PLEKHA7: variants seen among roughly 807,000 people sequenced by gnomAD.
The protein encoded by PLEKHA7 is pleckstrin homology domain-containing family A member 7.
In PLEKHA7, 104 loss-of-function variants were observed where a neutral mutation model predicts 170.0. The observed-to-expected ratio is 0.61, with a 90% CI of 0.52 to 0.72. The LOEUF (loss-of-function observed/expected upper bound fraction) is 0.72. Ranked by LOEUF, PLEKHA7 falls within the 30% of genes least tolerant of loss-of-function variation. The probability of loss-of-function intolerance (pLI) is 0.00; values close to 1 mark genes in which losing one functional copy is unlikely to be tolerated. For missense variants in PLEKHA7, 1,615 were observed against 1,671.7 expected (o/e 0.97, Z 0.59); for synonymous variants, 648 against 660.8 (o/e 0.98, Z 0.30).
chr11:16,954,093 C>T (rs1256250404), intron 3 of PLEKHA7, among the ~76,000 whole-genome samples: 2 of 152,118 alleles, frequency 1.3e-5, no homozygotes, highest in Non-Finnish European at 2.9e-5. Context: ...GAGGACACTC[C>T]ACAAGGCAAG....
chr11:17,013,688 G>A (rs1270214482), intron 3 of PLEKHA7, among the ~76,000 whole-genome samples: 1 of 152,236 alleles, frequency 6.6e-6, no homozygotes, highest in South Asian at 2.1e-4. Flanking sequence ...CCCTAGAGGG[G>A]AGGCGTGCCC....
At chr11:16,984,977 A>G (rs1431502905) in intron 3 of PLEKHA7, among the ~76,000 whole-genome samples, 2 of 152,240 alleles carry the variant, frequency 1.3e-5, no homozygotes, top group African/African-American at 4.8e-5. Context: ...TTGAGGCCTG[A>G]CAGCCCCCTT....
At position 16,801,003 on chromosome 11, in the gene PLEKHA7, C is replaced by T. The variant is rs1564926475; in HGVS notation, c.2380G>A (p.Glu794Lys). 1 of 1,614,134 alleles carries T rather than the reference C, an allele frequency of 6.2e-7. No individual in the cohort carries two copies. The highest frequency in any genetic ancestry group is 8.5e-7 in the Non-Finnish European group (1 of 1,180,054). Reference sequence around the variant, plus strand: ...AAAAAAAAGGCTCTTCTGTGTTGCTCCTGCAGGGTCTGCTTCAGCTGTTCC... The same window carrying T: ...AAAAAAAAGGCTCTTCTGTGTTGCTTCTGCAGGGTCTGCTTCAGCTGTTCC... ...DVEQLKQTLQ[E>K]QHRRAFFFQE... The change falls in exon 17 of 27, where the codon GAG becomes AAG. Residue 794 changes from glutamate (E) to lysine (K), a missense_variant. Coordinates refer to ENST00000531066, the MANE Select transcript of PLEKHA7 (RefSeq NM_001329630.2).
chr11:16,883,615 G>A (rs1484688352), intron 3 of PLEKHA7, among the ~76,000 whole-genome samples: 3 of 152,092 alleles, frequency 2.0e-5, no homozygotes, highest in African/African-American at 7.2e-5. Flanking sequence ...GGCTCCTTCT[G>A]TCCTTTTCCC....
chr11:16,923,001 A>T (rs1442534621), intron 3 of PLEKHA7, among the ~76,000 whole-genome samples: 1 of 152,136 alleles, frequency 6.6e-6, no homozygotes, highest in Admixed American at 6.6e-5. Flanking sequence ...CTGACCTCAC[A>T]ATCCATAGTG....
intron 10 of PLEKHA7, among the ~76,000 whole-genome samples, chr11:16,823,542 A>G (rs1352445081): frequency 6.6e-6 from 1 of 152,120 alleles, no homozygotes. Context: ...TAGCCTCCTG[A>G]TCATCTCTAC....
chr11:16,796,444 A>G (rs538413916), intron 17 of PLEKHA7, among the ~76,000 whole-genome samples: 70 of 152,328 alleles, frequency 4.6e-4, no homozygotes, highest in African/African-American at 1.6e-3. Context: ...ATTTATAAGA[A>G]ATGTCCAGAC....
rs1394826350 is a variant in PLEKHA7 at position 16,967,397 on chromosome 11, T to C, written c.221+46592A>G. Among the ~76,000 whole-genome samples the C allele has an allele frequency of 5.9e-5, 9 of 152,332 alleles. No homozygotes were observed. In the East Asian group the frequency reaches 1.4e-3, roughly 23 times the overall value. On this transcript the variant is annotated intron_variant, in intron 3 of 26. Transcript: ENST00000531066. Reference sequence around the variant, plus strand: ...CCCCAAGTTGGCTTCTGTTCTCTTATAGCAAAATAAGCAAAAATCTAGGTG... The same window carrying C: ...CCCCAAGTTGGCTTCTGTTCTCTTACAGCAAAATAAGCAAAAATCTAGGTG...
chr11:16,916,121 G>T (rs1858652337), intron 3 of PLEKHA7, among the ~76,000 whole-genome samples: 1 of 152,144 alleles, frequency 6.6e-6, no homozygotes, highest in Non-Finnish European at 1.5e-5. Context: ...CAGTGATGGT[G>T]AGCATTGTTT....
chr11:16,865,452 G>T (rs1448570629), intron 4 of PLEKHA7, among the ~76,000 whole-genome samples: 1 of 152,174 alleles, frequency 6.6e-6, no homozygotes, highest in African/African-American at 2.4e-5. Context: ...AGGCCAGGCG[G>T]GTGGCTCATG....
At chr11:16,804,768 C>T (rs1258664892) in intron 13 of PLEKHA7, among the ~76,000 whole-genome samples, 1 of 152,240 alleles carries the variant, frequency 6.6e-6, no homozygotes, top group Non-Finnish European at 1.5e-5. Context: ...AAAAATAGAA[C>T]TCCAGCCAAA....
chr11:17,000,448 T>C (rs1375619438), intron 3 of PLEKHA7, among the ~76,000 whole-genome samples: 3 of 152,194 alleles, frequency 2.0e-5, no homozygotes, highest in African/African-American at 7.2e-5. Flanking sequence ...GCTTCTGAGA[T>C]GAGAAATAGT....
chr11:16,975,338 C>G (rs984932088), intron 3 of PLEKHA7, among the ~76,000 whole-genome samples: 17 of 152,316 alleles, frequency 1.1e-4, no homozygotes, highest in Non-Finnish European at 2.4e-4. Flanking sequence ...TAAAGATACT[C>G]CCTTTTGGAA....
At chr11:16,990,980 T>C (rs889616117) in intron 3 of PLEKHA7, among the ~76,000 whole-genome samples, 2 of 152,220 alleles carry the variant, frequency 1.3e-5, no homozygotes, top group Non-Finnish European at 2.9e-5. Context: ...TAATTCACTG[T>C]TGTCATTGTG....
chr11:16,859,851 G>A (rs537742755), intron 4 of PLEKHA7, among the ~76,000 whole-genome samples: 7 of 152,356 alleles, frequency 4.6e-5, no homozygotes, highest in African/African-American at 1.7e-4. Flanking sequence ...GCAGACCCCT[G>A]GGAGAGGAGA....
chr11:16,852,111 C>T (rs534345964), intron 7 of PLEKHA7, among the ~76,000 whole-genome samples, 172 bp downstream of exon 7: 2 of 152,306 alleles, frequency 1.3e-5, no homozygotes, highest in African/African-American at 4.8e-5. Flanking sequence ...GGGACAGAAA[C>T]GGAAATGACT....
At chr11:16,836,000 G>A (rs930792741) in intron 9 of PLEKHA7, among the ~76,000 whole-genome samples, 18 of 152,234 alleles carry the variant, frequency 1.2e-4, no homozygotes, top group Non-Finnish European at 2.4e-4. Flanking sequence ...GTTCTCAGAA[G>A]TGACGCATGT....
chr11:16,923,637 G>A (rs1859266123), intron 3 of PLEKHA7, among the ~76,000 whole-genome samples: 1 of 152,006 alleles, frequency 6.6e-6, no homozygotes, highest in Admixed American at 6.6e-5. Flanking sequence ...GAGGGGGAGG[G>A]AGCACAGCAG....
In PLEKHA7 at chr11:16,791,475, G is replaced by A. The variant is rs373823545; in HGVS notation, c.2746-276C>T. On this transcript the variant is annotated intron_variant, in intron 19 of 26. Coordinates refer to ENST00000531066, the MANE Select transcript of PLEKHA7 (RefSeq NM_001329630.2). This position sits in a 1 kb window ranked among gnomAD's most constrained non-coding sequence, Gnocchi z 4.5. ...TGAAACCCAGGACTCAGGTCTCCTG[G>A]GTCCATGCCCTCGGTGCTGTGCTGA... 1.6e-6 allele frequency: 1 copy of A among 608,162 alleles called. No homozygotes were observed. Among genetic ancestry groups the A allele is most frequent in the South Asian group, 1.6e-5 (1 of 62,502 alleles). The allele number at this position is 608,162 out of a possible 1,614,324, so 37.7% of individuals were successfully genotyped here.
Sources: allele counts gnomAD v4.1 joint callset (sites outside exome capture counted in the v4.1 genomes callset), GRCh38; gene constraint gnomAD v4.1.1; non-coding constraint Gnocchi (gnomAD v3.1); transcripts MANE v1.5; gene names NCBI Gene and HGNC (gene_info 2026-07-23, HGNC 2026-07-21).